NAALADL2: variants seen among roughly 807,000 people sequenced by gnomAD.
The protein encoded by NAALADL2 is N-acetylated alpha-linked acidic dipeptidase like 2, also known as inactive N-acetylated-alpha-linked acidic dipeptidase-like protein 2.
A neutral mutation model predicts 87.2 loss-of-function variants in NAALADL2; 76 were observed. The ratio of observed to expected loss-of-function variants is 0.87; its 90% CI spans 0.72 to 1.05. NAALADL2 has a LOEUF of 1.05. Ranked by LOEUF, NAALADL2 falls within the 50% of genes least tolerant of loss-of-function variation. The probability of loss-of-function intolerance (pLI) is 0.00; values close to 1 mark genes in which losing one functional copy is unlikely to be tolerated. For missense variants in NAALADL2, 1,089 were observed against 945.8 expected (o/e 1.15, Z -1.99); for synonymous variants, 354 against 331.0 (o/e 1.07, Z -0.75).
chr3:175,332,502 T>C (rs1034903290), intron 5 of NAALADL2, among the ~76,000 whole-genome samples: 11 of 152,212 alleles, frequency 7.2e-5, no homozygotes, highest in Admixed American at 7.2e-4. Context: ...GGTCTCACTA[T>C]GTTGCCCAGT....
chr3:174,715,528 A>G (rs956829016), intron 2 of NAALADL2, among the ~76,000 whole-genome samples: 10 of 152,166 alleles, frequency 6.6e-5, no homozygotes, highest in Admixed American at 1.3e-4. Context: ...AGGCATTCTC[A>G]CATTTCACTG....
rs746635368 is a variant in NAALADL2, at chr3:175,740,523, A to T, written c.1990+3124A>T. On this transcript the variant is annotated intron_variant, in intron 12 of 13. Transcript: ENST00000454872. ...TTTATGGTTAAAGGAACAGATTGAT[A>T]ACGTTTACTCAACAGACCCAGACTT... Among the ~76,000 whole-genome samples, 14 of 152,196 alleles carry T rather than the reference A, an allele frequency of 9.2e-5. 1 individual carries two copies. The highest frequency in any genetic ancestry group is 1.2e-4 in the Non-Finnish European group (8 of 68,046).
chr3:175,046,841 C>T (rs1754736976), intron 1 of NAALADL2, among the ~76,000 whole-genome samples: 1 of 152,122 alleles, frequency 6.6e-6, no homozygotes, highest in Non-Finnish European at 1.5e-5. Flanking sequence ...TGAAAGCCAG[C>T]AACCTAGAAG....
At chr3:174,830,478 G>C (rs532721479) in intron 3 of NAALADL2, among the ~76,000 whole-genome samples, 16 of 152,040 alleles carry the variant, frequency 1.1e-4, no homozygotes, top group South Asian at 2.1e-4. Flanking sequence ...CTATATCTCT[G>C]TTTTGGTACC....
At chr3:174,990,203 A>C (rs1174474003) in intron 1 of NAALADL2, among the ~76,000 whole-genome samples, 1 of 152,126 alleles carries the variant, frequency 6.6e-6, no homozygotes, top group Non-Finnish European at 1.5e-5. Context: ...CGTTGGTTCT[A>C]AGTCGAAACT....
rs564753267 is a variant in NAALADL2, at chr3:175,498,562, T to C, written c.1653+26804T>C. The stretch of plus-strand genomic sequence containing the variant: ...TTCATTTGTAGTACCATGTGGGATA[T>C]AAAGTTCAGGATCTATCTTGAATTA... On this transcript the variant is annotated intron_variant, in intron 9 of 13. Coordinates refer to ENST00000454872, the MANE Select transcript of NAALADL2 (RefSeq NM_207015.3). Among the ~76,000 whole-genome samples the C allele has an allele frequency of 4.0e-4, 61 of 152,238 alleles. 1 individual carries two copies. Among genetic ancestry groups the C allele is most frequent in the Middle Eastern group, 3.4e-3 (1 of 294 alleles).
chr3:175,079,113 A>G (rs2109219944), intron 1 of NAALADL2, among the ~76,000 whole-genome samples: 1 of 152,240 alleles, frequency 6.6e-6, no homozygotes, highest in South Asian at 2.1e-4. Flanking sequence ...CTTTTTGGTT[A>G]TTACTACCTT....
At chr3:174,805,669 G>A (rs1394042025) in intron 3 of NAALADL2, among the ~76,000 whole-genome samples, 2 of 152,040 alleles carry the variant, frequency 1.3e-5, no homozygotes, top group Non-Finnish European at 2.9e-5. Flanking sequence ...TGTTACAAAA[G>A]CATAATCAAC....
chr3:175,472,007 G>A (rs1002794783), intron 9 of NAALADL2, among the ~76,000 whole-genome samples: 2 of 151,552 alleles, frequency 1.3e-5, no homozygotes, highest in African/African-American at 2.4e-5. Context: ...TATAGAGAAG[G>A]TATACAAAAA....
chr3:175,330,233 T>C (rs1438073284), intron 5 of NAALADL2, among the ~76,000 whole-genome samples: 1 of 152,186 alleles, frequency 6.6e-6, no homozygotes, highest in Non-Finnish European at 1.5e-5. Context: ...ATATGATTAG[T>C]TTAAAAATTT....
intron 1 of NAALADL2, among the ~76,000 whole-genome samples, chr3:175,002,757 G>A (rs1228846970): frequency 6.6e-6 from 1 of 152,172 alleles, no homozygotes; most frequent in East Asian, 1.9e-4. Context: ...TGTCTACAAT[G>A]CTAAAGAAAC....
At chr3:175,487,865 G>A (rs1395609359) in intron 9 of NAALADL2, among the ~76,000 whole-genome samples, 1 of 152,102 alleles carries the variant, frequency 6.6e-6, no homozygotes, top group Non-Finnish European at 1.5e-5. Context: ...CCATTCCCAG[G>A]TTTGCTAGAA....
intron 4 of NAALADL2, among the ~76,000 whole-genome samples, chr3:175,280,243 A>G (rs1265645988): frequency 6.6e-6 from 1 of 151,932 alleles, no homozygotes; most frequent in Non-Finnish European, 1.5e-5. Context: ...CTTTTTCTCA[A>G]TGTAATCATT....
intron 5 of NAALADL2, among the ~76,000 whole-genome samples, chr3:175,363,492 A>G (rs1332827328): frequency 1.4e-5 from 2 of 147,192 alleles, no homozygotes; most frequent in Non-Finnish European, 1.5e-5. Flanking sequence ...CTTTTATGAG[A>G]TAGAATCTTC....
chr3:174,507,291 C>T (rs2108381260), intron 1 of NAALADL2, among the ~76,000 whole-genome samples: 1 of 152,232 alleles, frequency 6.6e-6, no homozygotes, highest in Admixed American at 6.5e-5. Flanking sequence ...TCAAGCTATG[C>T]TCTGAGGAAG....
Position 174,613,427 on chromosome 3 carries a change from A to G in NAALADL2, c.-115+62790A>G, listed in dbSNP as rs534800054. ...CTGTCCAGGAGTCAGGGACTAGAGT[A>G]AAAAAACCTTAGAAGTCTATCTACT... On this transcript the variant is annotated intron_variant, in intron 2 of 3. Transcript: ENST00000434257. Among the ~76,000 whole-genome samples, 7 of 123,530 alleles carry G rather than the reference A, an allele frequency of 5.7e-5. No individual in the cohort carries two copies. The South Asian group carries it at 2.1e-3, about 37-fold the overall frequency. 81.0% of individuals were successfully genotyped at this position (123,530 alleles called of 152,430 possible).
chr3:175,665,570 A>G (rs1462071092), intron 11 of NAALADL2, among the ~76,000 whole-genome samples: 1 of 152,192 alleles, frequency 6.6e-6, no homozygotes, highest in East Asian at 1.9e-4. Flanking sequence ...AAAGTCTGTC[A>G]GTATTCAAGC....
chr3:174,558,777 G>A (rs938882684), intron 2 of NAALADL2, among the ~76,000 whole-genome samples: 2 of 152,026 alleles, frequency 1.3e-5, no homozygotes, highest in African/African-American at 4.8e-5. Flanking sequence ...CTGAGGGTTG[G>A]GGATTTCTGC....
At chr3:175,265,899 T>C (rs1171093793) in intron 4 of NAALADL2, among the ~76,000 whole-genome samples, 1 of 151,310 alleles carries the variant, frequency 6.6e-6, no homozygotes, top group African/African-American at 2.4e-5. Context: ...GTTAATTTAT[T>C]ATCCTCATGA....
Sources: gnomAD v4.1 joint callset for allele counts (sites outside exome capture counted in the v4.1 genomes callset) on GRCh38, gnomAD v4.1.1 for gene constraint, MANE v1.5 for transcripts, NCBI Gene and HGNC (gene_info 2026-07-23, HGNC 2026-07-21) for gene names.